EPB41L2: variants seen among roughly 807,000 people sequenced by gnomAD.
EPB41L2 encodes band 4.1-like protein 2.
EPB41L2 carries 43 observed loss-of-function variants against 113.0 expected under a neutral mutation model. The observed-to-expected ratio is 0.38, with a 90% CI of 0.30 to 0.49. EPB41L2 has a LOEUF of 0.49. Among genes scored for constraint, EPB41L2 ranks in the 20% least tolerant of loss-of-function variants. The pLI is 0.95. For missense variants in EPB41L2, 1,147 were observed against 1,223.4 expected, an observed-to-expected ratio of 0.94 and a Z score of 0.93; for synonymous variants, 442 against 436.7, an observed-to-expected ratio of 1.01 and a Z score of -0.15.
chr6:131,029,000 G>T (rs974534904), intron 1 of EPB41L2, among the ~76,000 whole-genome samples: 6 of 152,140 alleles, frequency 3.9e-5, no homozygotes, highest in African/African-American at 1.4e-4. Flanking sequence ...GCTTTAGAGG[G>T]TTACAAAGAA....
At chr6:130,950,077 C>T (rs34206551) in intron 3 of EPB41L2, among the ~76,000 whole-genome samples, 14,364 of 152,142 alleles carry the variant, frequency 0.094, 1,108 homozygotes, top group African/African-American at 0.2. Context: ...GTGCAGAAGG[C>T]TGGTACCCCT....
chr6:130,873,012 C>G (rs968591449), intron 14 of EPB41L2, among the ~76,000 whole-genome samples: 1 of 152,098 alleles, frequency 6.6e-6, no homozygotes, highest in African/African-American at 2.4e-5. Context: ...CTCCCTGAGG[C>G]CCACTTCATA....
intron 4 of EPB41L2, among the ~76,000 whole-genome samples, chr6:130,923,129 T>C (rs1351890427): frequency 6.6e-6 from 1 of 152,170 alleles, no homozygotes; most frequent in Non-Finnish European, 1.5e-5. Context: ...TCATCCTTCA[T>C]GTTCAATCAT....
chr6:130,918,857 A>G (rs571999194), intron 4 of EPB41L2, among the ~76,000 whole-genome samples: 16 of 152,282 alleles, frequency 1.1e-4, no homozygotes, highest in African/African-American at 3.8e-4. Context: ...TTAAAACTGC[A>G]TGGGATTTAA....
chr6:130,914,928 A>G (rs1489491839), intron 4 of EPB41L2, among the ~76,000 whole-genome samples: 1 of 152,242 alleles, frequency 6.6e-6, no homozygotes, highest in Non-Finnish European at 1.5e-5. Flanking sequence ...AGAGACTAAT[A>G]ATAAAAGTTA....
chr6:130,980,774 A>G (rs1345936577), intron 1 of EPB41L2, among the ~76,000 whole-genome samples: 1 of 152,296 alleles, frequency 6.6e-6, no homozygotes, highest in East Asian at 1.9e-4. Flanking sequence ...CCAAAGGGGT[A>G]GGCATGATAA....
intron 1 of EPB41L2, among the ~76,000 whole-genome samples, chr6:130,987,074 C>T (rs989759408): frequency 6.6e-6 from 1 of 152,072 alleles, no homozygotes; most frequent in Non-Finnish European, 1.5e-5. Context: ...CATCTGTATG[C>T]CCCAATAATA....
intron 1 of EPB41L2, among the ~76,000 whole-genome samples, chr6:131,010,736 A>G (rs187642855): frequency 6.6e-6 from 1 of 152,234 alleles, no homozygotes; most frequent in East Asian, 1.9e-4. Flanking sequence ...CAATTTTTTA[A>G]AAACATCAGA....
intron 1 of EPB41L2, among the ~76,000 whole-genome samples, chr6:130,982,564 A>T (rs1486553236): frequency 2.6e-5 from 4 of 152,220 alleles, no homozygotes; most frequent in Non-Finnish European, 4.4e-5. Flanking sequence ...CATTATCTAA[A>T]TTCTAGAGAA....
intron 5 of EPB41L2, 31 bp from the exon 6 acceptor site, chr6:130,904,571 C>T (rs1797185467): frequency 1.4e-6 from 2 of 1,393,196 alleles, no homozygotes; most frequent in South Asian, 1.3e-5. Flanking sequence ...AGTTATGCAC[C>T]CAATTAACAG....
At chr6:130,895,553 A>C (rs778597736) in intron 8 of EPB41L2, among the ~76,000 whole-genome samples, 1 of 152,182 alleles carries the variant, frequency 6.6e-6, no homozygotes, top group African/African-American at 2.4e-5. Context: ...CTTTAGGTGC[A>C]TTTACCTCAG....
intron 1 of EPB41L2, chr6:131,015,889 G>A (rs1788078624): frequency 6.6e-6 from 1 of 152,188 alleles, no homozygotes; most frequent in African/African-American, 2.4e-5. Flanking sequence ...GCTTCCGGGT[G>A]TTGTTTTTAA....
intron 18 of EPB41L2, among the ~76,000 whole-genome samples, chr6:130,859,628 C>A (rs1259928211): frequency 6.6e-6 from 1 of 151,216 alleles, no homozygotes; most frequent in African/African-American, 2.4e-5. Context: ...GCAATTTTTT[C>A]TTTTGCTGTC....
At chr6:130,989,195 C>T (rs1447725285) in intron 1 of EPB41L2, among the ~76,000 whole-genome samples, 2 of 152,280 alleles carry the variant, frequency 1.3e-5, no homozygotes, top group East Asian at 3.9e-4. Flanking sequence ...CATTAAGTGC[C>T]AGACAATTGT....
chr6:130,857,620 G>A (rs977008669), intron 19 of EPB41L2, among the ~76,000 whole-genome samples: 4 of 126,772 alleles, frequency 3.2e-5, no homozygotes, highest in African/African-American at 6.1e-5. Flanking sequence ...GTTCAGTGGC[G>A]CAATGTTGGC....
chr6:130,841,394 G>C (rs1252611602), intron 19 of EPB41L2, among the ~76,000 whole-genome samples: 1 of 152,146 alleles, frequency 6.6e-6, no homozygotes, highest in Non-Finnish European at 1.5e-5. Context: ...AGGAGGTTGG[G>C]ATCGTTTCTT....
intron 11 of EPB41L2, among the ~76,000 whole-genome samples, chr6:130,885,674 C>A (rs1203179371): frequency 6.6e-6 from 1 of 152,040 alleles, no homozygotes; most frequent in Admixed American, 6.6e-5. Context: ...AATGATTATG[C>A]AATTATTAAG....
chr6:130,978,669 C>T (rs1461403899), intron 1 of EPB41L2: 1 of 152,226 alleles, frequency 6.6e-6, no homozygotes, highest in East Asian at 1.9e-4. Context: ...AAGATCCATT[C>T]ATTCCATGAG....
chr6:130,844,469 G>C (rs779389020), intron 19 of EPB41L2, among the ~76,000 whole-genome samples: 4 of 152,188 alleles, frequency 2.6e-5, no homozygotes, highest in Non-Finnish European at 5.9e-5. Flanking sequence ...CTACTCAGGA[G>C]GCTGAGGCAG....
Sources: gnomAD v4.1 joint callset for allele counts (sites outside exome capture counted in the v4.1 genomes callset) on GRCh38, gnomAD v4.1.1 for gene constraint, MANE v1.5 for transcripts, NCBI Gene and HGNC (gene_info 2026-07-23, HGNC 2026-07-21) for gene names.